ZBTB20: variants seen among roughly 807,000 people sequenced by gnomAD.
ZBTB20 encodes the protein zinc finger and BTB domain-containing protein 20.
ZBTB20 carries 9 observed loss-of-function variants against 56.9 expected under a neutral mutation model. The observed-to-expected ratio is 0.16, with a 90% CI of 0.10 to 0.28. The LOEUF (loss-of-function observed/expected upper bound fraction) is 0.28, where lower values mean the gene tolerates loss of function less well. ZBTB20 is among the 10% of genes least tolerant of loss of function. The probability of loss-of-function intolerance (pLI) is 1.00; values close to 1 mark genes in which losing one functional copy is unlikely to be tolerated. For synonymous variants in ZBTB20, 417 were observed against 420.7 expected (o/e 0.99, Z 0.11); for missense variants, 655 against 1,003.0 (o/e 0.65, Z 4.69).
intron 1 of ZBTB20, among the ~76,000 whole-genome samples, chr3:115,128,095 T>C (rs2084385095): frequency 6.6e-6 from 1 of 152,200 alleles, no homozygotes; most frequent in South Asian, 2.1e-4. Context: ...CAATGACATA[T>C]GCATCCAAGA....
At chr3:114,646,940 GTTTTA>G (rs557474010) in intron 6 of ZBTB20, among the ~76,000 whole-genome samples, 14 of 151,966 alleles carry the variant, frequency 9.2e-5, no homozygotes, top group Admixed American at 3.3e-4. Context: ...AATCAAGGCA[GTTTTA>G]TTTTATTTTA....
chr3:114,818,758 A>G (rs1166720695), intron 4 of ZBTB20, among the ~76,000 whole-genome samples: 1 of 151,956 alleles, frequency 6.6e-6, no homozygotes, highest in Non-Finnish European at 1.5e-5. Context: ...TAGAGATAAT[A>G]CCACATAATA....
intron 2 of ZBTB20, among the ~76,000 whole-genome samples, chr3:114,997,688 A>G (rs1010015749): frequency 2.6e-5 from 4 of 151,746 alleles, no homozygotes; most frequent in Non-Finnish European, 4.4e-5. Context: ...TTTCTAAAAA[A>G]GTAGAATTAG....
chr3:114,647,882 A>G (rs891373352), intron 6 of ZBTB20, among the ~76,000 whole-genome samples: 2 of 152,276 alleles, frequency 1.3e-5, no homozygotes, highest in Admixed American at 1.3e-4. Flanking sequence ...TAATCTTCCA[A>G]TTGAGAAAAC....
At chr3:114,992,039 T>G (rs2078837009) in intron 2 of ZBTB20, among the ~76,000 whole-genome samples, 1 of 151,892 alleles carries the variant, frequency 6.6e-6, no homozygotes, top group South Asian at 2.1e-4. Context: ...ACTTTTTTTT[T>G]GTAATAATCT....
At chr3:114,644,565 C>T (rs2059738519) in intron 6 of ZBTB20, among the ~76,000 whole-genome samples, 1 of 152,080 alleles carries the variant, frequency 6.6e-6, no homozygotes, top group Non-Finnish European at 1.5e-5. Flanking sequence ...CATCTTATAC[C>T]AGTCAGAATG....
At chr3:114,632,356 C>A (rs957835751) in intron 6 of ZBTB20, among the ~76,000 whole-genome samples, 1 of 152,148 alleles carries the variant, frequency 6.6e-6, no homozygotes, top group Admixed American at 6.6e-5. Flanking sequence ...CACATGCACA[C>A]CCCCCTCTCC....
intron 6 of ZBTB20, among the ~76,000 whole-genome samples, chr3:114,646,517 T>C (rs910069451): frequency 3.3e-5 from 5 of 152,272 alleles, no homozygotes; most frequent in Non-Finnish European, 7.4e-5. Context: ...TGACAGAATG[T>C]GGTGAAAGCA....
intron 6 of ZBTB20, among the ~76,000 whole-genome samples, chr3:114,511,341 C>A (rs1374959068): frequency 6.6e-6 from 1 of 152,034 alleles, no homozygotes; most frequent in East Asian, 1.9e-4. Context: ...CTGTAAGTGA[C>A]AAGAAAAATT....
chr3:114,475,427 C>T (rs187294688), intron 7 of ZBTB20, among the ~76,000 whole-genome samples: 24 of 152,284 alleles, frequency 1.6e-4, no homozygotes, highest in African/African-American at 5.3e-4. Context: ...CAAGACATGT[C>T]TTATCTGTGT....
chr3:114,689,490 G>A (rs974148748), intron 6 of ZBTB20, among the ~76,000 whole-genome samples: 7 of 152,064 alleles, frequency 4.6e-5, no homozygotes, highest in Admixed American at 1.3e-4. Flanking sequence ...TCTAAGAAAT[G>A]TCTTATAGCT....
At chr3:114,858,395 G>A (rs2075344006) in intron 4 of ZBTB20, among the ~76,000 whole-genome samples, 1 of 152,054 alleles carries the variant, frequency 6.6e-6, no homozygotes, top group African/African-American at 2.4e-5. Context: ...TCTTTTTAGT[G>A]GACTCACTAA....
intron 7 of ZBTB20, among the ~76,000 whole-genome samples, chr3:114,480,524 T>C (rs539042614): frequency 7.9e-5 from 12 of 152,356 alleles, no homozygotes; most frequent in Non-Finnish European, 1.8e-4. Context: ...GGAGCACTGA[T>C]GCACACGTTT....
chr3:114,839,377 C>A (rs2074265072), intron 4 of ZBTB20, among the ~76,000 whole-genome samples: 1 of 143,896 alleles, frequency 6.9e-6, no homozygotes, highest in Non-Finnish European at 1.5e-5. Flanking sequence ...CTCCACCCTG[C>A]AGCCTGGGTG....
chr3:115,012,568 G>C (rs929327047), intron 2 of ZBTB20, among the ~76,000 whole-genome samples: 3 of 151,686 alleles, frequency 2.0e-5, no homozygotes, highest in African/African-American at 7.2e-5. Flanking sequence ...GATTTACAAA[G>C]CAAACATTTT....
At chr3:114,871,183 T>C (rs768780268) in intron 4 of ZBTB20, among the ~76,000 whole-genome samples, 2 of 152,130 alleles carry the variant, frequency 1.3e-5, no homozygotes, top group Non-Finnish European at 2.9e-5. Flanking sequence ...AATACCCTCT[T>C]ATTATCTCCC....
intron 6 of ZBTB20, among the ~76,000 whole-genome samples, chr3:114,650,808 A>T (rs956740685): frequency 2.0e-5 from 3 of 151,992 alleles, no homozygotes; most frequent in Non-Finnish European, 2.9e-5. Flanking sequence ...GAAAATAAGA[A>T]AATTGGTACA....
At chr3:114,624,358 C>CAA (rs368690191) in intron 6 of ZBTB20, among the ~76,000 whole-genome samples, 12,281 of 122,938 alleles carry the variant, frequency 0.1, 898 homozygotes, top group Admixed American at 0.27. Context: ...GTAAGAGAAA[C>CAA]AAAAAAAAAA....
chr3:114,742,293 A>G (rs1290146204), intron 5 of ZBTB20, among the ~76,000 whole-genome samples: 3 of 152,176 alleles, frequency 2.0e-5, no homozygotes, highest in African/African-American at 7.2e-5. Flanking sequence ...ACAATAATAA[A>G]TATGTGTAGG....
Sources: allele counts gnomAD v4.1 joint callset (sites outside exome capture counted in the v4.1 genomes callset), GRCh38; gene constraint gnomAD v4.1.1; transcripts MANE v1.5; gene names NCBI Gene and HGNC (gene_info 2026-07-23, HGNC 2026-07-21).